The following CYP46A1 variants were observed in gnomAD, a reference collection of about 807,000 sequenced individuals.
CYP46A1 encodes the protein cytochrome P450 family 46 subfamily A member 1.
A neutral mutation model predicts 63.3 loss-of-function variants in CYP46A1; 20 were observed. The ratio of observed to expected loss-of-function variants is 0.32; its 90% CI spans 0.22 to 0.46. CYP46A1 has a LOEUF of 0.46. Among genes scored for constraint, CYP46A1 ranks in the 20% least tolerant of loss-of-function variants. The pLI is 1.00. For missense variants in CYP46A1, 445 were observed against 670.8 expected (o/e 0.66, Z 3.72); for synonymous variants, 268 against 273.6 (o/e 0.98, Z 0.20).
Position 99,700,036 on chromosome 14 carries a change from G to A in CYP46A1, c.378G>A (p.Val126=), listed in dbSNP as rs144966483. The A allele has an allele frequency of 3.1e-6, 5 of 1,602,242 alleles. No homozygotes were observed. Among genetic ancestry groups the A allele is most frequent in the African/African-American group, 2.8e-5 (2 of 72,574 alleles). ...ACAGACTCTTCGGCCAAGGCTTGGTGTCCGAATGCAACTATGAGCGCTGGC... is the reference window on the plus strand; with the variant it reads ...ACAGACTCTTCGGCCAAGGCTTGGTATCCGAATGCAACTATGAGCGCTGGC... ...FGERLFGQGL[V]SECNYERWHK... is the part of the protein sequence containing the mutation. Residue 126 remains valine (V), a synonymous_variant, in exon 5 of 15, where the codon GTG becomes GTA. Coordinates refer to ENST00000261835, the MANE Select transcript of CYP46A1 (RefSeq NM_006668.2).
At chr14:99,704,858 A>G (rs1338903862) in intron 5 of CYP46A1, among the ~76,000 whole-genome samples, 1 of 152,112 alleles carries the variant, frequency 6.6e-6, no homozygotes, top group African/African-American at 2.4e-5. Context: ...GAGAAGGGAG[A>G]CATTCAGGTA....
intron 3 of CYP46A1, among the ~76,000 whole-genome samples, chr14:99,697,472 C>T (rs2056596430): frequency 6.6e-6 from 1 of 152,194 alleles, no homozygotes; most frequent in Non-Finnish European, 1.5e-5. Context: ...GGTCTTTTCT[C>T]TTTGTGCTGC....
At chr14:99,721,921 ACT>A (rs1566836624) in intron 11 of CYP46A1, 33 bp from the exon 12 acceptor site, 1 of 1,566,100 alleles carries the variant, frequency 6.4e-7, no homozygotes, top group South Asian at 1.1e-5. Flanking sequence ...GCCTCTCCCG[ACT>A]CTCCTTGTTA....
intron 5 of CYP46A1, among the ~76,000 whole-genome samples, chr14:99,702,343 C>A (rs1595191549): frequency 2.0e-5 from 3 of 152,184 alleles, no homozygotes; most frequent in Non-Finnish European, 2.9e-5. Flanking sequence ...ATATTGTTTA[C>A]CCATTCATCA....
At chr14:99,705,797 T>C (rs920511332) in intron 5 of CYP46A1, among the ~76,000 whole-genome samples, 1 of 152,198 alleles carries the variant, frequency 6.6e-6, no homozygotes, top group Non-Finnish European at 1.5e-5. Flanking sequence ...TGCTGGCACA[T>C]GCCTGTAATC....
chr14:99,709,196 G>C (rs771847078), intron 7 of CYP46A1: 13 of 152,022 alleles, frequency 8.6e-5, no homozygotes, highest in Non-Finnish European at 1.9e-4. Flanking sequence ...TCCAGCAACA[G>C]ATTCCAAAGA....
intron 12 of CYP46A1, among the ~76,000 whole-genome samples, chr14:99,723,593 G>A (rs370507667): frequency 3.3e-5 from 5 of 152,250 alleles, no homozygotes; most frequent in African/African-American, 1.2e-4. Flanking sequence ...ACAGGCGTGA[G>A]CCAGCGCGCC....
At chr14:99,694,015 A>G (rs34832190) in intron 3 of CYP46A1, among the ~76,000 whole-genome samples, 45,780 of 151,922 alleles carry the variant, frequency 0.3, 7,714 homozygotes, top group South Asian at 0.39. Context: ...GGAAACCACT[A>G]TTCTACCTTC....
chr14:99,703,774 C>T (rs1212452965), intron 5 of CYP46A1: 75 of 961,838 alleles, frequency 7.8e-5, no homozygotes, highest in Non-Finnish European at 9.0e-5. Flanking sequence ...GTCCTGCGCC[C>T]AGCACCAGGC....
At chr14:99,684,687 C>A in intron 1 of CYP46A1, 151 bp downstream of exon 1, 1 of 697,286 alleles carries the variant, frequency 1.4e-6, no homozygotes, top group Non-Finnish European at 2.6e-6. Context: ...GCTAACTATT[C>A]TTAGTAACAA....
intron 9 of CYP46A1, 81 bp downstream of exon 9, chr14:99,716,280 T>C (rs955489414): frequency 4.1e-6 from 6 of 1,479,354 alleles, no homozygotes; most frequent in Non-Finnish European, 5.7e-6. Flanking sequence ...CCCAACTCTT[T>C]GGGATTTTTT....
intron 6 of CYP46A1, among the ~76,000 whole-genome samples, chr14:99,707,321 T>G (rs2056686546): frequency 6.6e-6 from 1 of 152,218 alleles, no homozygotes; most frequent in Admixed American, 6.5e-5. Context: ...GAAGGTTGCA[T>G]TTCAGGGGAA....
intron 9 of CYP46A1, among the ~76,000 whole-genome samples, chr14:99,716,810 A>G (rs777976995): frequency 3.6e-4 from 55 of 152,220 alleles, no homozygotes; most frequent in Non-Finnish European, 6.3e-4. Context: ...CCTGGGGCCC[A>G]GTGTGGTAGG....
intron 7 of CYP46A1, chr14:99,713,159 A>T (rs2056750350): frequency 6.6e-6 from 1 of 152,240 alleles, no homozygotes; most frequent in Admixed American, 6.5e-5. Flanking sequence ...GGCCGGGCGC[A>T]GTAGCTCACG....
intron 9 of CYP46A1, among the ~76,000 whole-genome samples, chr14:99,716,986 A>G (rs924151314): frequency 2.0e-5 from 3 of 152,222 alleles, no homozygotes; most frequent in African/African-American, 7.2e-5. Context: ...AAAGGCATGG[A>G]GGAAGGCCCT....
In CYP46A1 at chr14:99,699,352, G is replaced by A; in HGVS notation, c.283-114G>A. 8.4e-6 allele frequency: 8 copies of A among 950,384 alleles called. No individual in the cohort carries two copies. In the South Asian group the frequency reaches 9.6e-5, roughly 11 times the overall value. The allele number at this position is 950,384 out of a possible 1,614,324, so 58.9% of individuals were successfully genotyped here. A position where few individuals can be genotyped will look rare whatever the true frequency, so the allele number is the denominator to read the frequency against. ...GTGTGGGATCATGCATGGGAAGTGG[G>A]CACACTGCGGCTGAGACTCAGCCAA... On this transcript the variant is annotated intron_variant, in intron 3 of 14. Coordinates refer to ENST00000261835, the MANE Select transcript of CYP46A1 (RefSeq NM_006668.2).
intron 3 of CYP46A1, among the ~76,000 whole-genome samples, chr14:99,698,163 T>C (rs1289538553): frequency 2.0e-5 from 3 of 152,044 alleles, no homozygotes; most frequent in African/African-American, 2.4e-5. Context: ...TAACCGATAG[T>C]TGAGTCATCC....
chr14:99,718,388 C>T (rs1166104401), intron 10 of CYP46A1, among the ~76,000 whole-genome samples: 4 of 152,180 alleles, frequency 2.6e-5, no homozygotes, highest in East Asian at 3.9e-4. Flanking sequence ...AGCCTGCTCC[C>T]GACTCATGAG....
intron 1 of CYP46A1, among the ~76,000 whole-genome samples, chr14:99,687,469 C>T (rs967068937): frequency 2.6e-5 from 4 of 152,172 alleles, no homozygotes; most frequent in East Asian, 1.9e-4. Flanking sequence ...CTGGCTCTGG[C>T]GGGTGGTGCA....
Sources: allele counts gnomAD v4.1 joint callset (sites outside exome capture counted in the v4.1 genomes callset), GRCh38; gene constraint gnomAD v4.1.1; transcripts MANE v1.5; gene names NCBI Gene and HGNC (gene_info 2026-07-23, HGNC 2026-07-21).